MAML3: variants seen among roughly 807,000 people sequenced by gnomAD.
MAML3 encodes the protein mastermind-like protein 3.
In MAML3, 27 loss-of-function variants were observed where a neutral mutation model predicts 101.9. The observed-to-expected ratio is 0.27, with a 90% CI of 0.20 to 0.37. MAML3 has a LOEUF of 0.37. Ranked by LOEUF, MAML3 falls within the 10% of genes least tolerant of loss-of-function variation. The probability of loss-of-function intolerance (pLI) is 1.00; values close to 1 mark genes in which losing one functional copy is unlikely to be tolerated. For synonymous variants in MAML3, 501 were observed against 555.9 expected, an observed-to-expected ratio of 0.90 and a Z score of 1.39; for missense variants, 1,316 against 1,444.9, an observed-to-expected ratio of 0.91 and a Z score of 1.45.
chr4:140,046,812 G>T (rs1389488324), intron 1 of MAML3, among the ~76,000 whole-genome samples: 3 of 151,940 alleles, frequency 2.0e-5, no homozygotes, highest in African/African-American at 4.8e-5. Flanking sequence ...GGGTAGGGGG[G>T]ACTGTACTGA....
At chr4:139,987,881 G>C (rs972642637) in intron 1 of MAML3, among the ~76,000 whole-genome samples, 1 of 151,504 alleles carries the variant, frequency 6.6e-6, no homozygotes, top group Admixed American at 6.6e-5. Flanking sequence ...AATTAGCCAG[G>C]CATGGTGGCG....
chr4:139,862,907 C>T (rs531244020), intron 2 of MAML3, among the ~76,000 whole-genome samples: 13 of 152,208 alleles, frequency 8.5e-5, no homozygotes, highest in African/African-American at 2.9e-4. Context: ...CAAAATACAT[C>T]GAGTTTCACT....
At chr4:139,900,960 C>T (rs1172251532) in intron 1 of MAML3, among the ~76,000 whole-genome samples, 1 of 152,210 alleles carries the variant, frequency 6.6e-6, no homozygotes, top group Non-Finnish European at 1.5e-5. Flanking sequence ...TCCTAGGGCA[C>T]ACAGCACAGC....
At chr4:140,022,818 T>C (rs1273597496) in intron 1 of MAML3, among the ~76,000 whole-genome samples, 3 of 152,208 alleles carry the variant, frequency 2.0e-5, no homozygotes, top group Admixed American at 6.5e-5. Flanking sequence ...ACTAACTCAA[T>C]AGAAGAATGT....
chr4:140,027,420 C>T (rs1029263762), intron 1 of MAML3, among the ~76,000 whole-genome samples: 1 of 152,236 alleles, frequency 6.6e-6, no homozygotes, highest in Non-Finnish European at 1.5e-5. Flanking sequence ...TGCTGAGATG[C>T]TTTAACTCAT....
At chr4:140,014,680 A>C (rs1726615086) in intron 1 of MAML3, among the ~76,000 whole-genome samples, 1 of 152,218 alleles carries the variant, frequency 6.6e-6, no homozygotes, top group Non-Finnish European at 1.5e-5. Flanking sequence ...ATCTGTGTGA[A>C]TTAGTTTTTT....
intron 1 of MAML3, among the ~76,000 whole-genome samples, chr4:140,114,316 T>C (rs1335386074): frequency 6.6e-6 from 1 of 152,248 alleles, no homozygotes; most frequent in East Asian, 1.9e-4. Flanking sequence ...GTGCTGTTCC[T>C]TGAATTTCCT....
At chr4:139,941,892 GGGAGGCTGAGGTGGAT>G (rs1733608062) in intron 1 of MAML3, among the ~76,000 whole-genome samples, 1 of 152,128 alleles carries the variant, frequency 6.6e-6, no homozygotes, top group Non-Finnish European at 1.5e-5. Context: ...CCAACCTTTT[GGGAGGCTGAGGTGGAT>G]GGATCACCAG....
At chr4:139,835,390 T>C (rs1173341455) in intron 2 of MAML3, among the ~76,000 whole-genome samples, 1 of 152,236 alleles carries the variant, frequency 6.6e-6, no homozygotes, top group Non-Finnish European at 1.5e-5. Flanking sequence ...AGCTTTCATT[T>C]ATTATTTGAG....
intron 2 of MAML3, among the ~76,000 whole-genome samples, chr4:139,796,843 A>AGAAT (rs139162663): frequency 0.025 from 3,774 of 152,300 alleles, 59 homozygotes; most frequent in Middle Eastern, 0.071. Flanking sequence ...GAATACAGCA[A>AGAAT]GAATGAATGA....
chr4:139,987,960 T>C (rs573191101), intron 1 of MAML3, among the ~76,000 whole-genome samples: 2 of 132,418 alleles, frequency 1.5e-5, no homozygotes, highest in Non-Finnish European at 3.0e-5. Context: ...AGGTGGAGGC[T>C]GCAGTGAGCT....
At chr4:139,846,208 C>A (rs1361514011) in intron 2 of MAML3, among the ~76,000 whole-genome samples, 2 of 152,132 alleles carry the variant, frequency 1.3e-5, no homozygotes, top group African/African-American at 2.4e-5. Flanking sequence ...GAAGCTAGCA[C>A]TGTACTTTAT....
chr4:139,837,157 A>C (rs1467299895), intron 2 of MAML3, among the ~76,000 whole-genome samples: 1 of 151,318 alleles, frequency 6.6e-6, no homozygotes. Flanking sequence ...AAAGAAAAAA[A>C]AAGAATTACT....
intron 1 of MAML3, among the ~76,000 whole-genome samples, chr4:140,111,859 T>C (rs1307906775): frequency 6.6e-6 from 1 of 152,228 alleles, no homozygotes; most frequent in South Asian, 2.1e-4. Flanking sequence ...TTTGTTCTCC[T>C]CTTCCAGCTT....
intron 2 of MAML3, among the ~76,000 whole-genome samples, chr4:139,855,303 T>C (rs795970): frequency 0.78 from 119,062 of 152,190 alleles, 46,773 homozygotes; most frequent in South Asian, 0.83. Context: ...GAAGCTGCAG[T>C]AAGATGAAAA....
At chr4:140,044,225 G>A (rs978771817) in intron 1 of MAML3, among the ~76,000 whole-genome samples, 3 of 152,124 alleles carry the variant, frequency 2.0e-5, no homozygotes, top group African/African-American at 7.2e-5. Flanking sequence ...GAGATATATT[G>A]TCAAAATACA....
rs1431473433 is a variant in MAML3 at position 139,885,950 on chromosome 4, A to AG, written c.2079+3406_2079+3407insC. Among the ~76,000 whole-genome samples the AG allele has an allele frequency of 1.5e-4, 21 of 144,202 alleles. 1 individual carries two copies. The highest frequency in any genetic ancestry group is 2.3e-4 in the Non-Finnish European group (15 of 66,222). The allele number at this position is 144,202 out of a possible 152,430, so 94.6% of individuals were successfully genotyped here. A position where few individuals can be genotyped will look rare whatever the true frequency, so the allele number is the denominator to read the frequency against. On this transcript the variant is annotated intron_variant, in intron 2 of 4. Transcript: ENST00000509479. ...TCCGTCTCAAAAAAAAAAAAAAAAAAAAAAAAAGAAAGAGAAAAAAAGTAA... is the reference window on the plus strand; with the variant it reads ...TCCGTCTCAAAAAAAAAAAAAAAAAAGAAAAAAAGAAAGAGAAAAAAAGTAA...
At chr4:139,928,270 AT>A (rs1733306836) in intron 1 of MAML3, among the ~76,000 whole-genome samples, 1 of 152,202 alleles carries the variant, frequency 6.6e-6, no homozygotes. Flanking sequence ...TCATGGATTG[AT>A]TTGGAAATGG....
chr4:139,889,247 T>G, intron 2 of MAML3, 110 bp downstream of exon 2: 13 of 1,600,956 alleles, frequency 8.1e-6, no homozygotes, highest in Non-Finnish European at 1.1e-5. Context: ...AAAGAGGTTT[T>G]CTGCAGGCAA....
Sources: allele counts gnomAD v4.1 joint callset (sites outside exome capture counted in the v4.1 genomes callset), GRCh38; gene constraint gnomAD v4.1.1; transcripts MANE v1.5; gene names NCBI Gene and HGNC (gene_info 2026-07-23, HGNC 2026-07-21).